SCIN: variants seen among roughly 807,000 people sequenced by gnomAD.
The protein encoded by SCIN is adseverin.
SCIN carries 91 observed loss-of-function variants against 91.8 expected under a neutral mutation model. The observed-to-expected ratio is 0.99, with a 90% confidence interval of 0.84 to 1.18. The LOEUF is 1.18. SCIN is among the 50% of genes most tolerant of loss of function. SCIN has a pLI of 0.00. For missense variants in SCIN, 1,087 were observed against 863.9 expected, an observed-to-expected ratio of 1.26 and a Z score of -3.24; for synonymous variants, 367 against 312.6, an observed-to-expected ratio of 1.17 and a Z score of -1.84.
At chr7:12,642,106 T>C (rs924878847) in intron 11 of SCIN, among the ~76,000 whole-genome samples, 1 of 151,710 alleles carries the variant, frequency 6.6e-6, no homozygotes, top group Non-Finnish European at 1.5e-5. Flanking sequence ...AAATTAGCAA[T>C]AAATAATATA....
chr7:12,624,230 AC>A (rs1181258617), intron 5 of SCIN, among the ~76,000 whole-genome samples: 7 of 152,156 alleles, frequency 4.6e-5, no homozygotes, highest in Non-Finnish European at 1.5e-5. Context: ...GTCCTGCAAA[AC>A]TCCACTAATC....
intron 3 of SCIN, among the ~76,000 whole-genome samples, chr7:12,596,776 A>G (rs978390507): frequency 2.0e-5 from 3 of 152,200 alleles, no homozygotes; most frequent in Middle Eastern, 3.4e-3. Context: ...ATCCCTCCCA[A>G]AACTGTTCAT....
intron 2 of SCIN, among the ~76,000 whole-genome samples, chr7:12,578,801 A>G (rs1419421280): frequency 2.0e-5 from 3 of 151,906 alleles, no homozygotes; most frequent in African/African-American, 7.3e-5. Context: ...TACACAATTT[A>G]TGCACACTGG....
chr7:12,581,688 T>C (rs1480459360), intron 3 of SCIN, among the ~76,000 whole-genome samples: 3 of 152,212 alleles, frequency 2.0e-5, no homozygotes, highest in African/African-American at 4.8e-5. Context: ...TTTCACACTT[T>C]TCAATTAGCA....
intron 3 of SCIN, among the ~76,000 whole-genome samples, chr7:12,583,946 G>T (rs2115216096): frequency 6.6e-6 from 1 of 152,240 alleles, no homozygotes; most frequent in Non-Finnish European, 1.5e-5. Context: ...GATATTTGTT[G>T]CAGAGGTACT....
chr7:12,618,365 C>G (rs1783339642), intron 4 of SCIN, among the ~76,000 whole-genome samples: 1 of 152,054 alleles, frequency 6.6e-6, no homozygotes, highest in Non-Finnish European at 1.5e-5. Flanking sequence ...TTGCAGAAGC[C>G]CAGTTCACTT....
chr7:12,612,604 G>C (rs1449740347), intron 4 of SCIN, among the ~76,000 whole-genome samples: 2 of 152,104 alleles, frequency 1.3e-5, no homozygotes, highest in South Asian at 2.1e-4. Context: ...CACTAGTGTT[G>C]CTCCAGCTAT....
At chr7:12,580,548 A>G (rs1431170846) in intron 2 of SCIN, among the ~76,000 whole-genome samples, 5 of 152,210 alleles carry the variant, frequency 3.3e-5, no homozygotes. Flanking sequence ...CAAGGACCAT[A>G]CATAAGATCA....
intron 3 of SCIN, among the ~76,000 whole-genome samples, chr7:12,581,661 A>G (rs144683665): frequency 2.0e-5 from 3 of 152,336 alleles, no homozygotes; most frequent in African/African-American, 7.2e-5. Context: ...ATGTACGTAT[A>G]TACACACACC....
intron 1 of SCIN, chr7:12,571,683 A>G (rs1214026345): frequency 1.2e-5 from 5 of 404,134 alleles, no homozygotes; most frequent in African/African-American, 1.1e-4. Flanking sequence ...TGGGTATTTC[A>G]TATATTTATG....
In SCIN at chr7:12,657,726, T is replaced by C. The variant is rs988303366; in HGVS notation, c.*5011T>C. 1 of 151,044 alleles carries C rather than the reference T, an allele frequency of 6.6e-6. No homozygotes were observed. The highest frequency in any genetic ancestry group is 1.5e-5 in the Non-Finnish European group (1 of 67,738). The allele number at this position is 151,044 out of a possible 1,614,324, so 9.4% of individuals were successfully genotyped here. On this transcript the variant is annotated 3_prime_UTR_variant, in exon 16 of 16. Transcript: ENST00000297029. Reference sequence around the variant, plus strand: ...TGTGTTGTTTTTCTCTTTTTCATATTGATGTGAAAAGCAGCCAAGTATTAT... The same window carrying C: ...TGTGTTGTTTTTCTCTTTTTCATATCGATGTGAAAAGCAGCCAAGTATTAT...
intron 7 of SCIN, chr7:12,626,342 G>T: frequency 2.1e-6 from 1 of 484,952 alleles, no homozygotes; most frequent in Non-Finnish European, 3.6e-6. Flanking sequence ...TGAACCTTAT[G>T]TAGAAAGACA....
rs1285847196 is a variant in SCIN, at chr7:12,654,138, G to A, written c.*1423G>A. On this transcript the variant is annotated 3_prime_UTR_variant, in exon 16 of 16. Transcript: ENST00000297029. ...GGCCCTAAAGGATGAACAATGTAGG[G>A]TCCAACAATTCATCCCACATGAATT... The A allele has an allele frequency of 1.3e-5, 2 of 152,110 alleles. No homozygotes were observed. Among genetic ancestry groups the A allele is most frequent in the Non-Finnish European group, 2.9e-5 (2 of 68,012 alleles). The allele number at this position is 152,110 out of a possible 1,614,324, so 9.4% of individuals were successfully genotyped here. A position where few individuals can be genotyped will look rare whatever the true frequency, so the allele number is the denominator to read the frequency against.
At chr7:12,626,514 A>C (rs1783524530) in intron 7 of SCIN, 70 bp from the exon 8 acceptor site, 1 of 1,153,996 alleles carries the variant, frequency 8.7e-7, no homozygotes, top group Admixed American at 2.5e-5. Flanking sequence ...TTTTGTCTCC[A>C]CTGCCAGATT....
At chr7:12,625,167 G>T in intron 6 of SCIN, 25 bp downstream of exon 6, 1 of 1,590,694 alleles carries the variant, frequency 6.3e-7, no homozygotes, top group African/African-American at 1.3e-5. Context: ...TGACGATGCT[G>T]TATTTCAGAT....
chr7:12,656,942 T>A lies in SCIN; in HGVS notation c.*4227T>A, dbSNP rs550873770. On this transcript the variant is annotated 3_prime_UTR_variant, in exon 16 of 16. Coordinates refer to ENST00000297029, the MANE Select transcript of SCIN (RefSeq NM_001112706.3). ...CTCGGGGGAAGAAAAAAAAAACCTG[T>A]AAAAAGTGGCTCAACTTTAATATTC... The A allele has an allele frequency of 1.3e-5, 2 of 151,268 alleles. No individual in the cohort carries two copies. The highest frequency in any genetic ancestry group is 4.2e-4 in the South Asian group (2 of 4,778). 9.4% of individuals were successfully genotyped at this position (151,268 alleles called of 1,614,324 possible).
chr7:12,577,121 A>G (rs895034165), intron 1 of SCIN, among the ~76,000 whole-genome samples: 1 of 152,174 alleles, frequency 6.6e-6, no homozygotes. Flanking sequence ...GTTGTATGTA[A>G]AATACCTGGA....
chr7:12,623,162 G>A (rs1026536852), intron 5 of SCIN, among the ~76,000 whole-genome samples: 5 of 152,098 alleles, frequency 3.3e-5, no homozygotes, highest in African/African-American at 1.2e-4. Flanking sequence ...AGTTTGCAAC[G>A]ATCTTTTGAT....
At chr7:12,592,921 T>TGGGGGCC (rs1217627905) in intron 3 of SCIN, among the ~76,000 whole-genome samples, 1 of 152,102 alleles carries the variant, frequency 6.6e-6, no homozygotes, top group African/African-American at 2.4e-5. Context: ...GTGATGGCAG[T>TGGGGGCC]GGGGGCCGGG....
Sources: gnomAD v4.1 joint callset for allele counts (sites outside exome capture counted in the v4.1 genomes callset) on GRCh38, gnomAD v4.1.1 for gene constraint, MANE v1.5 for transcripts, NCBI Gene and HGNC (gene_info 2026-07-23, HGNC 2026-07-21) for gene names.